TMEM63B: variants seen among roughly 807,000 people sequenced by gnomAD.
The protein encoded by TMEM63B is transmembrane protein 63B, also known as mechanosensitive cation channel TMEM63B.
TMEM63B carries 23 observed loss-of-function variants against 102.6 expected under a neutral mutation model. That is an observed-to-expected ratio of 0.22 (90% confidence interval 0.16 to 0.32). The LOEUF (loss-of-function observed/expected upper bound fraction) is 0.32. Ranked by LOEUF, TMEM63B falls within the 10% of genes least tolerant of loss-of-function variation. TMEM63B has a pLI of 1.00. For synonymous variants in TMEM63B, 444 were observed against 437.0 expected, an observed-to-expected ratio of 1.02 and a Z score of -0.20; for missense variants, 628 against 1,095.9, an observed-to-expected ratio of 0.57 and a Z score of 6.03.
At chr6:44,138,622 C>A in intron 6 of TMEM63B, 105 bp downstream of exon 6, 1 of 1,359,534 alleles carries the variant, frequency 7.4e-7, no homozygotes. Context: ...TAGCACTCCT[C>A]GCCAGCACAG....
Position 44,150,402 on chromosome 6 carries a change from G to A in TMEM63B, c.1607+92G>A. ...TCAGCCTCCCTACCTCCCCTACAAAGCAAGGGGCCCAAGATGGGAAGCCTG... is the reference window on the plus strand; with the variant it reads ...TCAGCCTCCCTACCTCCCCTACAAAACAAGGGGCCCAAGATGGGAAGCCTG... On this transcript the variant is annotated intron_variant, in intron 17 of 23. Transcript: ENST00000323267. This position sits in a 1 kb window ranked among gnomAD's most constrained non-coding sequence, Gnocchi z 4.7. The A allele has an allele frequency of 5.4e-6, 8 of 1,478,212 alleles. No individual in the cohort carries two copies. The South Asian group carries it at 5.7e-5, about 11-fold the overall frequency. 91.6% of individuals were successfully genotyped at this position (1,478,212 alleles called of 1,614,324 possible). A position where few individuals can be genotyped will look rare whatever the true frequency, so the allele number is the denominator to read the frequency against.
At position 44,139,447 on chromosome 6, in the gene TMEM63B, T is replaced by C; in HGVS notation, c.408-20T>C. ...CCCTGGTCCTAACCTAATTCCTTTG[T>C]CCAACCCGTATGGCTGCAGGGATGA... On this transcript the variant is annotated intron_variant, in intron 6 of 23. Transcript: ENST00000323267. 1 of 1,613,810 alleles carries C rather than the reference T, an allele frequency of 6.2e-7. No individual in the cohort carries two copies. Among genetic ancestry groups the C allele is most frequent in the South Asian group, 1.1e-5 (1 of 91,072 alleles).
In TMEM63B at chr6:44,148,628, C is replaced by T; in HGVS notation, c.1237C>T (p.Pro413Ser). 1 of 1,614,194 alleles carries T rather than the reference C, an allele frequency of 6.2e-7. No homozygotes were observed. The highest frequency in any genetic ancestry group is 8.5e-7 in the Non-Finnish European group (1 of 1,180,028). ...HISNWTVSYAPDPQNIYWEHL... is the reference protein window; with the variant it reads ...HISNWTVSYASDPQNIYWEHL... The stretch of plus-strand genomic sequence containing the variant: ...CTCCAACTGGACCGTGTCCTATGCC[C>T]CTGACCCTCAGAACATCTACTGGTG... Residue 413 changes from proline to serine, a missense_variant, in exon 14 of 24, where the codon CCT becomes TCT. Around this residue, in one of 6 missense-constraint regions of TMEM63B, gnomAD observed 336 missense variants for 580.3 expected, o/e 0.58. Transcript: ENST00000323267. The surrounding 1 kb of genome is among the most constrained non-coding windows in gnomAD (Gnocchi z 5.1).
intron 3 of TMEM63B, 50 bp downstream of exon 3, chr6:44,135,146 C>T: frequency 2.5e-6 from 4 of 1,604,712 alleles, no homozygotes; most frequent in South Asian, 1.1e-5. Flanking sequence ...CATCTTGTTC[C>T]ACACTCCTCA....
intron 11 of TMEM63B, 27 bp downstream of exon 11, chr6:44,146,954 G>A: frequency 6.2e-7 from 1 of 1,610,940 alleles, no homozygotes; most frequent in Non-Finnish European, 8.5e-7. Context: ...AGAGGAGGGT[G>A]ACACCAAGGG....
chr6:44,134,795 T>A, intron 2 of TMEM63B, 52 bp downstream of exon 2: 1 of 1,584,182 alleles, frequency 6.3e-7, no homozygotes, highest in Non-Finnish European at 8.6e-7. Flanking sequence ...TGTACACACC[T>A]GGCAAACACT....
intron 10 of TMEM63B, among the ~76,000 whole-genome samples, chr6:44,145,985 G>A (rs749176768): frequency 2.0e-5 from 3 of 152,028 alleles, no homozygotes; most frequent in African/African-American, 7.2e-5. Flanking sequence ...GCCAGGGTGG[G>A]CTTAAGGGTC....
chr6:44,137,607 T>C (rs1423850468), intron 5 of TMEM63B, among the ~76,000 whole-genome samples: 2 of 152,192 alleles, frequency 1.3e-5, no homozygotes, highest in African/African-American at 2.4e-5. Flanking sequence ...TGGATGGAGT[T>C]TGGGGCAGGG....
chr6:44,129,649 G>A (rs1022957690), intron 1 of TMEM63B, among the ~76,000 whole-genome samples: 3 of 152,124 alleles, frequency 2.0e-5, no homozygotes, highest in African/African-American at 7.2e-5. Flanking sequence ...AAACCCTTAG[G>A]TCTAAATAAG....
Position 44,152,076 on chromosome 6 carries a change from A to T in TMEM63B, c.1836+68A>T, listed in dbSNP as rs1766787843. The T allele has an allele frequency of 6.6e-7, 1 of 1,512,712 alleles. No homozygotes were observed. 93.7% of individuals were successfully genotyped at this position (1,512,712 alleles called of 1,614,324 possible). On this transcript the variant is annotated intron_variant, in intron 19 of 23. Coordinates refer to ENST00000323267, the MANE Select transcript of TMEM63B (RefSeq NM_018426.3). The surrounding 1 kb of genome is among the most constrained non-coding windows in gnomAD (Gnocchi z 6.4). ...GGTGGCCCAACAAGAAACAGCAGCC[A>T]TCGCGCTAGGGTTGAGGGGCACAGG...
chr6:44,148,867 C>G lies in TMEM63B; in HGVS notation c.1335C>G (p.Leu445=). 1 of 1,614,106 alleles carries G rather than the reference C, an allele frequency of 6.2e-7. No individual in the cohort carries two copies. The highest frequency in any genetic ancestry group is 8.5e-7 in the Non-Finnish European group (1 of 1,180,006). ...LVINVVLFIL[L]FFLTTPAIII... is the part of the protein sequence containing the mutation. ...TCAATGTCGTCCTCTTCATCCTCCT[C>G]TTCTTCCTCACCACTCCAGCCATCA... The change falls in exon 15 of 24, where the codon CTC becomes CTG. Residue 445 remains leucine, a synonymous_variant. Transcript: ENST00000323267. This position sits in a 1 kb window ranked among gnomAD's most constrained non-coding sequence, Gnocchi z 5.1.
rs1447015816 is a variant in TMEM63B at position 44,155,379 on chromosome 6, T to A, written c.*496T>A. The A allele has an allele frequency of 1.4e-5, 2 of 142,280 alleles. No homozygotes were observed. The highest frequency in any genetic ancestry group is 5.2e-5 in the African/African-American group (2 of 38,736). The allele number at this position is 142,280 out of a possible 1,614,324, so 8.8% of individuals were successfully genotyped here. A position where few individuals can be genotyped will look rare whatever the true frequency, so the allele number is the denominator to read the frequency against. On this transcript the variant is annotated 3_prime_UTR_variant, in exon 24 of 24. Transcript: ENST00000323267. Reference sequence around the variant, plus strand: ...AGGGGGTGCTGAGTGGGAGGAAGAGTCAGGCTCACAGCTGGGGTGGCCTGG... The same window carrying A: ...AGGGGGTGCTGAGTGGGAGGAAGAGACAGGCTCACAGCTGGGGTGGCCTGG...
Position 44,138,739 on chromosome 6 carries a change from C to T in TMEM63B, c.407+222C>T, listed in dbSNP as rs188339665. On this transcript the variant is annotated intron_variant, in intron 6 of 23. Coordinates refer to ENST00000323267, the MANE Select transcript of TMEM63B (RefSeq NM_018426.3). ...TCTCCTCTGTGACCCCCTGCCGGCC[C>T]CCCCGCTTCTCTCCCTGCCCTGCCC... 2,056 of 400,198 alleles carry T rather than the reference C, an allele frequency of 5.1e-3. 208 individuals carry two copies. Among genetic ancestry groups the T allele is most frequent in the Non-Finnish European group, 7.8e-3 (1,649 of 212,072 alleles). The allele number at this position is 400,198 out of a possible 1,614,324, so 24.8% of individuals were successfully genotyped here.
intron 18 of TMEM63B, among the ~76,000 whole-genome samples, chr6:44,151,558 T>A (rs1217171770): frequency 6.6e-6 from 1 of 152,078 alleles, no homozygotes; most frequent in Non-Finnish European, 1.5e-5. Context: ...CATTGGGTTG[T>A]CTTTGGGGGT....
intron 20 of TMEM63B, among the ~76,000 whole-genome samples, chr6:44,153,383 A>C (rs150008606): frequency 1.8e-3 from 281 of 152,326 alleles, no homozygotes; most frequent in African/African-American, 6.6e-3. Flanking sequence ...GTATCTGTTT[A>C]GGGACAGGGT....
chr6:44,141,876 C>G (rs756612624), intron 10 of TMEM63B, among the ~76,000 whole-genome samples: 4 of 151,778 alleles, frequency 2.6e-5, no homozygotes, highest in Admixed American at 6.6e-5. Flanking sequence ...AATCCCAGCA[C>G]TTTGGGAGGC....
In TMEM63B at chr6:44,127,581, C is replaced by T. The variant is rs1317557272; in HGVS notation, c.-122C>T. On this transcript the variant is annotated 5_prime_UTR_variant, in exon 1 of 24. Transcript: ENST00000323267. ...ACACTGCCGCGGCCGCCGCAGGAGC[C>T]CGGAGCTCGAGCCGCCCAGCGACTC... 2.2e-5 allele frequency: 3 copies of T among 138,484 alleles called. No homozygotes were observed. The highest frequency in any genetic ancestry group is 8.0e-5 in the African/African-American group (3 of 37,704). 8.6% of individuals were successfully genotyped at this position (138,484 alleles called of 1,614,324 possible).
At chr6:44,133,490 G>T (rs1401809342) in intron 1 of TMEM63B, among the ~76,000 whole-genome samples, 1 of 152,122 alleles carries the variant, frequency 6.6e-6, no homozygotes, top group East Asian at 1.9e-4. Context: ...TCAGCAGAAG[G>T]GTCCCCCAGG....
intron 5 of TMEM63B, among the ~76,000 whole-genome samples, chr6:44,136,848 A>G (rs1190822524): frequency 6.6e-6 from 1 of 152,222 alleles, no homozygotes; most frequent in Admixed American, 6.5e-5. Context: ...AGATGAGACC[A>G]TCCTGGCTAA....
Sources: gnomAD v4.1 joint callset for allele counts (sites outside exome capture counted in the v4.1 genomes callset) on GRCh38, gnomAD v4.1.1 for gene constraint, gnomAD v4.1.1 regional missense constraint, Gnocchi (gnomAD v3.1) non-coding constraint, MANE v1.5 for transcripts, NCBI Gene and HGNC (gene_info 2026-07-23, HGNC 2026-07-21) for gene names.